CSTPP1: variants seen among roughly 807,000 people sequenced by gnomAD.
CSTPP1 encodes the protein centriolar satellite-associated tubulin polyglutamylase complex regulator 1.
chr11:47,125,240 G>GT, the CSTPP1 span, among the ~76,000 whole-genome samples: 1 of 152,170 alleles, frequency 6.6e-6, no homozygotes, highest in South Asian at 2.1e-4. Flanking sequence ...GGTTCTTGCT[G>GT]TTTCTGTTCC....
At chr11:47,021,895 G>A in the CSTPP1 span, among the ~76,000 whole-genome samples, 1 of 150,718 alleles carries the variant, frequency 6.6e-6, no homozygotes, top group Admixed American at 6.6e-5. Flanking sequence ...AGAGAATTAG[G>A]TTAGAAACCC....
At chr11:46,960,603 C>A in the CSTPP1 span, among the ~76,000 whole-genome samples, 3 of 152,274 alleles carry the variant, frequency 2.0e-5, no homozygotes, top group Admixed American at 2.0e-4. Flanking sequence ...GCTAACCCAG[C>A]ACTTTGGGAG....
the CSTPP1 span, among the ~76,000 whole-genome samples, chr11:47,029,097 G>A: frequency 3.3e-5 from 5 of 151,520 alleles, no homozygotes; most frequent in African/African-American, 9.7e-5. Context: ...CATCTGCCTC[G>A]GGCTCCCAAA....
the CSTPP1 span, among the ~76,000 whole-genome samples, chr11:47,084,960 A>G: frequency 3.3e-5 from 5 of 152,068 alleles, no homozygotes; most frequent in East Asian, 1.9e-4. Flanking sequence ...CAAGGTGGGC[A>G]GATCACCTGA....
At chr11:47,155,211 T>A in the CSTPP1 span, 1 of 1,614,034 alleles carries the variant, frequency 6.2e-7, no homozygotes, top group Non-Finnish European at 8.5e-7. Context: ...GACTGCTTGA[T>A]GTCTTTTTCA....
chr11:47,073,689 C>T, the CSTPP1 span, among the ~76,000 whole-genome samples: 7 of 152,052 alleles, frequency 4.6e-5, no homozygotes, highest in African/African-American at 1.7e-4. Flanking sequence ...AAGGAGGAAA[C>T]CAGCTTGTCT....
the CSTPP1 span, among the ~76,000 whole-genome samples, chr11:46,961,255 C>T: frequency 3.3e-5 from 5 of 152,144 alleles, no homozygotes; most frequent in Non-Finnish European, 7.4e-5. Context: ...TTTATTATAG[C>T]CATCCTAGTG....
chr11:47,098,859 A>G, the CSTPP1 span, among the ~76,000 whole-genome samples: 10 of 152,190 alleles, frequency 6.6e-5, no homozygotes, highest in Non-Finnish European at 1.2e-4. Context: ...CATCAGTAAT[A>G]TAGTATGGCA....
At chr11:47,017,211 G>C in the CSTPP1 span, among the ~76,000 whole-genome samples, 1 of 121,030 alleles carries the variant, frequency 8.3e-6, no homozygotes, top group Non-Finnish European at 1.6e-5. Flanking sequence ...GTCTCACTCT[G>C]TTCCCCAGGC....
chr11:47,009,475 G>A, the CSTPP1 span, among the ~76,000 whole-genome samples: 4 of 152,126 alleles, frequency 2.6e-5, no homozygotes, highest in African/African-American at 9.7e-5. Context: ...GCCAGTTTGT[G>A]GAAGGCTCAA....
the CSTPP1 span, among the ~76,000 whole-genome samples, chr11:47,162,440 CG>C: frequency 4.6e-5 from 7 of 152,184 alleles, no homozygotes; most frequent in African/African-American, 1.7e-4. Flanking sequence ...ACAGCTGGAA[CG>C]GCCTTCAGGA....
At chr11:47,021,882 G>C in the CSTPP1 span, among the ~76,000 whole-genome samples, 1 of 151,652 alleles carries the variant, frequency 6.6e-6, no homozygotes, top group Admixed American at 6.6e-5. Flanking sequence ...GAGATCCCCT[G>C]CCAGAGAATT....
the CSTPP1 span, among the ~76,000 whole-genome samples, chr11:47,012,085 G>A: frequency 6.6e-6 from 1 of 151,546 alleles, no homozygotes; most frequent in Admixed American, 6.6e-5. Context: ...GACCAACCTG[G>A]GCAACTTAGC....
At chr11:47,103,512 T>C in the CSTPP1 span, among the ~76,000 whole-genome samples, 1 of 152,102 alleles carries the variant, frequency 6.6e-6, no homozygotes, top group Non-Finnish European at 1.5e-5. Context: ...TAAACTTTCA[T>C]ATATCCAACA....
chr11:47,034,361 G>C, the CSTPP1 span, among the ~76,000 whole-genome samples: 5 of 152,196 alleles, frequency 3.3e-5, no homozygotes, highest in East Asian at 1.9e-4. Context: ...AGTAGAGTTA[G>C]CCCATCCCTT....
chr11:47,058,967 A>G, the CSTPP1 span, among the ~76,000 whole-genome samples: 2 of 152,240 alleles, frequency 1.3e-5, no homozygotes, highest in Non-Finnish European at 2.9e-5. Flanking sequence ...GATAGACTGG[A>G]TAAAGAAAAT....
At chr11:47,052,044 T>C in the CSTPP1 span, 19 of 160,006 alleles carry the variant, frequency 1.2e-4, no homozygotes, top group African/African-American at 4.5e-4. Flanking sequence ...GAGGGAAAAG[T>C]ATTCTCCAAA....
chr11:47,073,105 A>AT, the CSTPP1 span, among the ~76,000 whole-genome samples: 1 of 152,218 alleles, frequency 6.6e-6, no homozygotes, highest in Admixed American at 6.5e-5. Context: ...AGTTTTTATA[A>AT]TGAGCATATA....
chr11:46,965,042 T>G, the CSTPP1 span, among the ~76,000 whole-genome samples: 1 of 151,948 alleles, frequency 6.6e-6, no homozygotes, highest in African/African-American at 2.4e-5. Context: ...ATTTTAAGAC[T>G]GGGGGGGTCG....
Sources: gnomAD v4.1 joint callset for allele counts (sites outside exome capture counted in the v4.1 genomes callset) on GRCh38, gnomAD v4.1.1 for gene constraint, MANE v1.5 for transcripts, NCBI Gene and HGNC (gene_info 2026-07-23, HGNC 2026-07-21) for gene names.